Variants in NPHS2 observed in about 807,000 individuals in gnomAD.
The protein encoded by NPHS2 is podocin.
A neutral mutation model predicts 37.1 loss-of-function variants in NPHS2; 36 were observed. The observed-to-expected ratio is 0.97, with a 90% CI of 0.74 to 1.28. The LOEUF (loss-of-function observed/expected upper bound fraction) is 1.28, where lower values mean the gene tolerates loss of function less well. Ranked by LOEUF, NPHS2 falls within the 50% of genes most tolerant of loss-of-function variation. NPHS2 has a pLI of 0.00. For synonymous variants in NPHS2, 196 were observed against 189.3 expected (o/e 1.04, Z -0.29); for missense variants, 447 against 488.1 (o/e 0.92, Z 0.79).
intron 2 of NPHS2, 57 bp downstream of exon 2, chr1:179,564,633 G>C (rs1259150385): frequency 3.6e-5 from 48 of 1,349,088 alleles, no homozygotes; most frequent in Non-Finnish European, 4.6e-5. Flanking sequence ...GAATGGGCAT[G>C]GTGTGGCCAG....
At chr1:179,572,166 G>A (rs1352047982) in intron 1 of NPHS2, among the ~76,000 whole-genome samples, 2 of 152,198 alleles carry the variant, frequency 1.3e-5, no homozygotes, top group Non-Finnish European at 2.9e-5. Context: ...GCTGGGCGCT[G>A]TAGACCGGAG....
In NPHS2 at chr1:179,575,755, C is replaced by T. The variant is rs750532480; in HGVS notation, c.110G>A (p.Gly37Glu). 1 of 1,494,918 alleles carries T rather than the reference C, an allele frequency of 6.7e-7. No individual in the cohort carries two copies. The highest frequency in any genetic ancestry group is 1.4e-5 in the African/African-American group (1 of 69,468). 92.6% of individuals were successfully genotyped at this position (1,494,918 alleles called of 1,614,324 possible). A position where few individuals can be genotyped will look rare whatever the true frequency, so the allele number is the denominator to read the frequency against. Reference protein sequence around the residue: ...AKAERSGGGRGRQEAGPEPSG... With the variant: ...AKAERSGGGRERQEAGPEPSG... ...CGGCTCGGGCCCAGCCTCCTGGCGC[C>T]CGCGGCCTCCGCCGCTCCTCTCGGC... Residue 37 changes from glycine (G) to glutamate (E), a missense_variant, in exon 1 of 8, where the codon GGG (glycine) becomes GAG (glutamate). Physicochemically the swap from Gly to Glu is moderately conservative, Grantham distance 98. Transcript: ENST00000367615.
chr1:179,553,378 C>A (rs1041428750), intron 6 of NPHS2, among the ~76,000 whole-genome samples: 3 of 152,090 alleles, frequency 2.0e-5, no homozygotes, highest in African/African-American at 7.2e-5. Flanking sequence ...GCTGATGAAC[C>A]AATAAAATGT....
rs190512986 is a variant in NPHS2, at chr1:179,571,488, A to T, written c.274+4103T>A. On this transcript the variant is annotated intron_variant, in intron 1 of 7. Transcript: ENST00000367615. ...CTATATGAGGTGTCTGTTGGCCCCT[A>T]CTGGGAGGTGTCTCCCAGTTACACT... Among the ~76,000 whole-genome samples the T allele has an allele frequency of 4.5e-4, 69 of 152,302 alleles. 1 individual carries two copies. The highest frequency in any genetic ancestry group is 1.6e-3 in the African/African-American group (68 of 41,566).
At position 179,575,820 on chromosome 1, in the gene NPHS2, T is replaced by C; in HGVS notation, c.45A>G (p.Arg15=). ...TCTCCTTGTGCGGAGTCCTGCCGCC[T>C]CGCCCGCGGGACTCCCTGGAGGAGC... The part of the protein sequence containing the change: ...ARSSSRESRG[R]GGRTPHKENK... The change falls in exon 1 of 8, where the codon CGA becomes CGG. Residue 15 remains arginine (R), a synonymous_variant. Coordinates refer to ENST00000367615, the MANE Select transcript of NPHS2 (RefSeq NM_014625.4). 1.4e-6 allele frequency: 2 copies of C among 1,459,270 alleles called. No individual in the cohort carries two copies. Among genetic ancestry groups the C allele is most frequent in the Non-Finnish European group, 1.8e-6 (2 of 1,115,942 alleles). The allele number at this position is 1,459,270 out of a possible 1,614,324, so 90.4% of individuals were successfully genotyped here.
intron 1 of NPHS2, among the ~76,000 whole-genome samples, chr1:179,568,001 G>T (rs558888832): frequency 6.6e-6 from 1 of 152,158 alleles, no homozygotes; most frequent in Non-Finnish European, 1.5e-5. Context: ...CAGGGATATT[G>T]GTCTAAAATT....
rs1004324264 is a variant in NPHS2 at position 179,556,460 on chromosome 1, G to A, written c.738+567C>T. The stretch of plus-strand genomic sequence containing the variant: ...CGTGAATGAGCTTGCTGAGCTTGCT[G>A]TCTGTGGACTAGAGGGAGCTGCTTG... On this transcript the variant is annotated intron_variant, in intron 5 of 7. Coordinates refer to ENST00000367615, the MANE Select transcript of NPHS2 (RefSeq NM_014625.4). This position sits in a 1 kb window ranked among gnomAD's most constrained non-coding sequence, Gnocchi z 4.1. 6.6e-6 allele frequency among the ~76,000 whole-genome samples: 1 copy of A among 152,222 alleles called. No individual in the cohort carries two copies. Among genetic ancestry groups the A allele is most frequent in the East Asian group, 1.9e-4 (1 of 5,196 alleles).
At chr1:179,566,799 C>A (rs1395920960) in intron 1 of NPHS2, among the ~76,000 whole-genome samples, 1 of 152,156 alleles carries the variant, frequency 6.6e-6, no homozygotes, top group East Asian at 1.9e-4. Flanking sequence ...CCAGTTTTCC[C>A]AGCACGATTT....
At position 179,557,144 on chromosome 1, in the gene NPHS2, A is replaced by G; in HGVS notation, c.621T>C (p.Leu207=). 1 of 1,614,134 alleles carries G rather than the reference A, an allele frequency of 6.2e-7. No individual in the cohort carries two copies. The highest frequency in any genetic ancestry group is 8.5e-7 in the Non-Finnish European group (1 of 1,179,986). The change falls in exon 5 of 8, where the codon CTT becomes CTC. Residue 207 remains leucine, a synonymous_variant. Coordinates refer to ENST00000367615, the MANE Select transcript of NPHS2 (RefSeq NM_014625.4). ...ATTGCACAGCTTTAGATACATGAGC[A>G]AGACTGCTTAGGAGAAGAGAGGCAT... ...MENASLLLSS[L]AHVSKAVQFL... is the part of the protein sequence containing the mutation.
chr1:179,568,386 G>T (rs1395326717), intron 1 of NPHS2, among the ~76,000 whole-genome samples: 1 of 152,302 alleles, frequency 6.6e-6, no homozygotes, highest in Non-Finnish European at 1.5e-5. Context: ...ATTTCTGTGA[G>T]ATAGGTGGTG....
chr1:179,554,100 A>G (rs1293148506), intron 6 of NPHS2, among the ~76,000 whole-genome samples: 1 of 152,010 alleles, frequency 6.6e-6, no homozygotes, highest in African/African-American at 2.4e-5. Context: ...TTTAGTAGAG[A>G]CAAGAGTTAC....
At chr1:179,551,890 T>C (rs147168705) in intron 7 of NPHS2, 48 of 200,666 alleles carry the variant, frequency 2.4e-4, no homozygotes, top group African/African-American at 9.6e-4. Flanking sequence ...TGAAGAGGAC[T>C]TCACTCAGAG....
rs1053139144 is a variant in NPHS2, at chr1:179,575,727, C to A, written c.138G>T (p.Ser46=). 2.6e-6 allele frequency: 4 copies of A among 1,539,726 alleles called. No homozygotes were observed. The highest frequency in any genetic ancestry group is 2.4e-5 in the East Asian group (1 of 40,906). ...CCGGGGTCCCCGCCCGTCCGGAGCC[C>A]GACGGCTCGGGCCCAGCCTCCTGGC... is the stretch of plus-strand genomic sequence containing the variant. ...RGRQEAGPEP[S]GSGRAGTPGE... is the part of the protein sequence containing the mutation. Residue 46 remains serine (S), a synonymous_variant, in exon 1 of 8, where the codon TCG becomes TCT. Transcript: ENST00000367615.
chr1:179,561,761 G>A (rs1674145304), intron 2 of NPHS2, among the ~76,000 whole-genome samples: 1 of 151,846 alleles, frequency 6.6e-6, no homozygotes, highest in African/African-American at 2.4e-5. Flanking sequence ...GTGATGTTTT[G>A]TTTCAGAGTG....
intron 2 of NPHS2, among the ~76,000 whole-genome samples, chr1:179,564,056 G>A (rs1459179661): frequency 6.6e-6 from 1 of 152,186 alleles, no homozygotes; most frequent in East Asian, 1.9e-4. Flanking sequence ...TCTCAGAGCT[G>A]CACCACAGTC....
At position 179,575,922 on chromosome 1, in the gene NPHS2, G is replaced by T. The variant is rs1278025312; in HGVS notation, c.-58C>A. Reference sequence around the variant, plus strand: ...GCGGGAGCGCTAGGGGCACGGGAGCGCAGTCCCTGTGGAGTCGCTGCGGGT... The same window carrying T: ...GCGGGAGCGCTAGGGGCACGGGAGCTCAGTCCCTGTGGAGTCGCTGCGGGT... On this transcript the variant is annotated 5_prime_UTR_variant, in exon 1 of 8. Transcript: ENST00000367615. 4 of 1,341,928 alleles carry T rather than the reference G, an allele frequency of 3.0e-6. No individual in the cohort carries two copies. The highest frequency in any genetic ancestry group is 3.8e-6 in the Non-Finnish European group (4 of 1,051,684). The allele number at this position is 1,341,928 out of a possible 1,614,324, so 83.1% of individuals were successfully genotyped here. A position where few individuals can be genotyped will look rare whatever the true frequency, so the allele number is the denominator to read the frequency against.
In NPHS2 at chr1:179,551,122, G is replaced by A. The variant is rs1389623795; in HGVS notation, c.*51C>T. ...AGGACAGAGTGTCTCCCTCAGGCAT[G>A]TGACTTTTCTATGGCAGGCCCCTTT... On this transcript the variant is annotated 3_prime_UTR_variant, in exon 8 of 8. Transcript: ENST00000367615. 2.5e-6 allele frequency: 4 copies of A among 1,610,350 alleles called. No homozygotes were observed. Among genetic ancestry groups the A allele is most frequent in the South Asian group, 1.1e-5 (1 of 90,884 alleles).
intron 6 of NPHS2, among the ~76,000 whole-genome samples, chr1:179,554,017 A>T (rs1673708036): frequency 6.6e-6 from 1 of 150,900 alleles, no homozygotes; most frequent in African/African-American, 2.4e-5. Flanking sequence ...GGTTCAAGCG[A>T]TTCTTCTGCC....
At chr1:179,572,946 C>A (rs1246456282) in intron 1 of NPHS2, among the ~76,000 whole-genome samples, 3 of 152,046 alleles carry the variant, frequency 2.0e-5, no homozygotes, top group South Asian at 2.1e-4. Flanking sequence ...GCAGTCCCCC[C>A]ACCTTAGCCT....
Sources: allele counts gnomAD v4.1 joint callset (sites outside exome capture counted in the v4.1 genomes callset), GRCh38; gene constraint gnomAD v4.1.1; non-coding constraint Gnocchi (gnomAD v3.1); transcripts MANE v1.5; gene names NCBI Gene and HGNC (gene_info 2026-07-23, HGNC 2026-07-21).